PALB2: variants seen among roughly 807,000 people sequenced by gnomAD.
PALB2 encodes partner and localizer of BRCA2.
Under a neutral mutation model 107.4 loss-of-function variants are expected in PALB2, and 82 were observed. The observed-to-expected ratio is 0.76, with a 90% CI of 0.64 to 0.92. The LOEUF (loss-of-function observed/expected upper bound fraction) is 0.92. Ranked by LOEUF, PALB2 falls within the 40% of genes least tolerant of loss-of-function variation. The pLI, the probability that PALB2 is intolerant of heterozygous loss-of-function variation, is 0.00. For missense variants in PALB2, 1,374 were observed against 1,379.9 expected (o/e 1.00, Z 0.07); for synonymous variants, 489 against 496.8 (o/e 0.98, Z 0.21).
At chr16:23,618,823 G>A (rs1597077429) in intron 10 of PALB2, among the ~76,000 whole-genome samples, 1 of 152,174 alleles carries the variant, frequency 6.6e-6, no homozygotes, top group East Asian at 1.9e-4. Context: ...ACTTCTGGAA[G>A]AGCACCATCC....
Position 23,635,155 on chromosome 16 carries a change from C to G in PALB2, c.1391G>C (p.Arg464Thr), listed in dbSNP as rs1966972231. The change falls in exon 4 of 13, where the codon AGG becomes ACG. Residue 464 changes from arginine (R) to threonine (T), a missense_variant. Transcript: ENST00000261584. Reference protein sequence around the residue: ...SNEETDQSEIRMSGTCTGQPS... With the variant: ...SNEETDQSEITMSGTCTGQPS... ...TTGTCCTGTGCATGTGCCAGACATCCTAATTTCACTTTGGTCAGTTTCCTC... is the reference window on the plus strand; with the variant it reads ...TTGTCCTGTGCATGTGCCAGACATCGTAATTTCACTTTGGTCAGTTTCCTC... 1 of 1,614,070 alleles carries G rather than the reference C, an allele frequency of 6.2e-7. No individual in the cohort carries two copies. The highest frequency in any genetic ancestry group is 1.7e-5 in the Admixed American group (1 of 59,998).
intron 10 of PALB2, among the ~76,000 whole-genome samples, chr16:23,620,781 A>G (rs1391820548): frequency 6.6e-6 from 1 of 152,224 alleles, no homozygotes; most frequent in South Asian, 2.1e-4. Context: ...TGACAAAAAA[A>G]CCACAATCAG....
Position 23,638,567 on chromosome 16 carries a change from G to A in PALB2, c.49-438C>T, listed in dbSNP as rs977497051. 6 of 457,414 alleles carry A rather than the reference G, an allele frequency of 1.3e-5. 1 individual carries two copies. Among genetic ancestry groups the A allele is most frequent in the South Asian group, 3.1e-5 (2 of 64,392 alleles). The allele number at this position is 457,414 out of a possible 1,614,324, so 28.3% of individuals were successfully genotyped here. A position where few individuals can be genotyped will look rare whatever the true frequency, so the allele number is the denominator to read the frequency against. On this transcript the variant is annotated intron_variant, in intron 1 of 12. Transcript: ENST00000261584. ...CAACAAATGAATCTTCTATTTATCC[G>A]TTAATGGTCCAGGTATCTCTAGTAC... is the stretch of plus-strand genomic sequence containing the variant.
intron 12 of PALB2, 46 bp downstream of exon 12, chr16:23,607,818 C>A (rs760261253): frequency 1.2e-6 from 2 of 1,609,362 alleles, no homozygotes; most frequent in South Asian, 1.1e-5. Context: ...TTGCACAGTG[C>A]CTTTCAGAAT....
intron 1 of PALB2, 74 bp downstream of exon 1, chr16:23,641,036 A>G (rs2142479572): frequency 6.5e-7 from 1 of 1,543,688 alleles, no homozygotes; most frequent in South Asian, 1.2e-5. Flanking sequence ...ACTGCCGAGG[A>G]CACAAAGCCA....
chr16:23,619,218 C>T (rs1259580958), intron 10 of PALB2, among the ~76,000 whole-genome samples: 1 of 152,114 alleles, frequency 6.6e-6, no homozygotes, highest in Admixed American at 6.6e-5. Context: ...TTTCCTAATA[C>T]AAATTAAACT....
At chr16:23,634,793 G>A (rs1966943989) in intron 4 of PALB2, 69 bp downstream of exon 4, 4 of 1,546,192 alleles carry the variant, frequency 2.6e-6, no homozygotes, top group Non-Finnish European at 2.6e-6. Flanking sequence ...AGAAAAGGAA[G>A]TGCCAGGCAA....
Position 23,630,096 on chromosome 16 carries a change from C to A in PALB2, c.2058G>T (p.Arg686Ser), listed in dbSNP as rs771376636. Residue 686 changes from arginine (R) to serine (S), a missense_variant, in exon 5 of 13, where the codon AGG becomes AGT. Transcript: ENST00000261584. Reference sequence around the variant, plus strand: ...TTGTATGCTGGCTTTGCGAGTTTGGCCTTTTGGGATGTGATTTTCCTGGTA... The same window carrying A: ...TTGTATGCTGGCTTTGCGAGTTTGGACTTTTGGGATGTGATTTTCCTGGTA... ...IVLPGKSHPKRPNSQSQHTKT... is the reference protein window; with the variant it reads ...IVLPGKSHPKSPNSQSQHTKT... 2 of 1,614,026 alleles carry A rather than the reference C, an allele frequency of 1.2e-6. No homozygotes were observed. The highest frequency in any genetic ancestry group is 4.5e-5 in the East Asian group (2 of 44,884).
intron 11 of PALB2, among the ~76,000 whole-genome samples, chr16:23,611,039 C>CA (rs1405272551): frequency 6.7e-6 from 1 of 150,074 alleles, no homozygotes. Flanking sequence ...AATCTTGTCT[C>CA]AAAAAAAAAG....
At chr16:23,621,222 A>AAAC in intron 10 of PALB2, 140 bp downstream of exon 10, 3 of 706,890 alleles carry the variant, frequency 4.2e-6, no homozygotes, top group Non-Finnish European at 7.5e-6. Context: ...AACACAACAA[A>AAAC]AACAACAACA....
rs2142255767 is a variant in PALB2 at position 23,603,676 on chromosome 16, G to A, written c.3351-7C>T. On this transcript the variant is annotated splice_polypyrimidine_tract_variant and splice_region_variant and intron_variant, in intron 12 of 12. Coordinates refer to ENST00000261584, the MANE Select transcript of PALB2 (RefSeq NM_024675.4). ...CACGTCACCTTCCAGGAACCTGATA[G>A]CATACAAAGAAGATATAATTCAGAT... The A allele has an allele frequency of 6.2e-7, 1 of 1,606,542 alleles. No individual in the cohort carries two copies. Among genetic ancestry groups the A allele is most frequent in the Non-Finnish European group, 8.5e-7 (1 of 1,176,352 alleles).
intron 10 of PALB2, among the ~76,000 whole-genome samples, chr16:23,616,889 T>C (rs1037816535): frequency 5.3e-5 from 8 of 151,970 alleles, no homozygotes; most frequent in African/African-American, 1.7e-4. Context: ...CTCCGCTCAC[T>C]GCAAGCTCCA....
In PALB2 at chr16:23,623,004, T is replaced by C. The variant is rs1555459530; in HGVS notation, c.2961A>G (p.Gln987=). ...CTGCAAACGTCATGACTTCTACTTG[T>C]TGATCAGAAAGGGTCCCACTGCTAC... ...LVSSSGTLSD[Q]QVEVMTFAED... The change falls in exon 9 of 13, where the codon CAA becomes CAG. Residue 987 remains glutamine, a synonymous_variant. Transcript: ENST00000261584. 1 of 1,614,186 alleles carries C rather than the reference T, an allele frequency of 6.2e-7. No individual in the cohort carries two copies. The highest frequency in any genetic ancestry group is 8.5e-7 in the Non-Finnish European group (1 of 1,180,046).
chr16:23,632,435 C>T lies in PALB2; in HGVS notation c.1685-1966G>A, dbSNP rs920113833. ...CTCCAGCCTGGGCAACAGAGTGACA[C>T]TCCATCTCAAAAACAAACAAACCCA... is the stretch of plus-strand genomic sequence containing the variant. On this transcript the variant is annotated intron_variant, in intron 4 of 12. Coordinates refer to ENST00000261584, the MANE Select transcript of PALB2 (RefSeq NM_024675.4). 3.9e-5 allele frequency among the ~76,000 whole-genome samples: 6 copies of T among 152,190 alleles called. No individual in the cohort carries two copies. In the South Asian group the frequency reaches 1.0e-3, roughly 26 times the overall value.
intron 11 of PALB2, among the ~76,000 whole-genome samples, chr16:23,611,953 TATGTGTTGGATTATATAACATC>T (rs1194966925): frequency 2.0e-5 from 3 of 152,224 alleles, no homozygotes; most frequent in Admixed American, 2.0e-4. Flanking sequence ...GGCTCAAGAT[TATGTGTTGGATTATATAACATC>T]ACACAACTTT....
intron 8 of PALB2, among the ~76,000 whole-genome samples, chr16:23,623,680 G>C (rs1442534458): frequency 6.6e-6 from 1 of 151,176 alleles, no homozygotes; most frequent in Non-Finnish European, 1.5e-5. Context: ...CTATACACCA[G>C]GCTAATTTTT....
At chr16:23,628,218 CAG>C (rs1307365607) in intron 6 of PALB2, among the ~76,000 whole-genome samples, 1 of 152,162 alleles carries the variant, frequency 6.6e-6, no homozygotes, top group Non-Finnish European at 1.5e-5. Flanking sequence ...GCCTAGGCAA[CAG>C]ACTCTGTCTC....
intron 10 of PALB2, 90 bp from the exon 11 acceptor site, chr16:23,614,181 G>C (rs1966639060): frequency 1.1e-6 from 1 of 939,646 alleles, no homozygotes; most frequent in South Asian, 1.4e-5. Flanking sequence ...GCATGTCTTA[G>C]GAGGTGACCA....
rs515726079 is a variant in PALB2, at chr16:23,636,367, T to G, written c.212-33A>C. The G allele has an allele frequency of 3.5e-6, 5 of 1,417,536 alleles. No individual in the cohort carries two copies. Among genetic ancestry groups the G allele is most frequent in the Non-Finnish European group, 4.8e-6 (5 of 1,052,190 alleles). The allele number at this position is 1,417,536 out of a possible 1,614,324, so 87.8% of individuals were successfully genotyped here. ...GGAAAAAAATGTATATAACTTATAT[T>G]TTTCTTATAAAATAAAACAAAAAAT... On this transcript the variant is annotated intron_variant, in intron 3 of 12. Coordinates refer to ENST00000261584, the MANE Select transcript of PALB2 (RefSeq NM_024675.4).
Sources: allele counts gnomAD v4.1 joint callset (sites outside exome capture counted in the v4.1 genomes callset), GRCh38; gene constraint gnomAD v4.1.1; transcripts MANE v1.5; gene names NCBI Gene and HGNC (gene_info 2026-07-23, HGNC 2026-07-21).